Variants in CFAP44 observed in about 807,000 individuals in gnomAD.
CFAP44 encodes cilia and flagella associated protein 44.
A neutral mutation model predicts 216.2 loss-of-function variants in CFAP44; 134 were observed. The observed-to-expected ratio is 0.62, with a 90% CI of 0.54 to 0.72. CFAP44 has a LOEUF of 0.72. CFAP44 is among the 30% of genes least tolerant of loss of function. The probability of loss-of-function intolerance (pLI) is 0.00; values close to 1 mark genes in which losing one functional copy is unlikely to be tolerated. For synonymous variants in CFAP44, 700 were observed against 727.6 expected (o/e 0.96, Z 0.61); for missense variants, 2,035 against 2,182.1 (o/e 0.93, Z 1.34).
intron 8 of CFAP44, among the ~76,000 whole-genome samples, chr3:113,404,553 A>C (rs1199260474): frequency 6.6e-6 from 1 of 152,180 alleles, no homozygotes; most frequent in Non-Finnish European, 1.5e-5. Context: ...CAAGTGTCAC[A>C]AATAAAGTAA....
rs1950069030 is a variant in CFAP44, at chr3:113,314,451, A to T, written c.4517-6183T>A. On this transcript the variant is annotated intron_variant, in intron 28 of 34. Transcript: ENST00000393845. ...AAGTGAAAATGTCTTTCAAAAAGGGAAAAATTAAGACATTATCTGATTTTT... is the reference window on the plus strand; with the variant it reads ...AAGTGAAAATGTCTTTCAAAAAGGGTAAAATTAAGACATTATCTGATTTTT... 2.6e-5 allele frequency among the ~76,000 whole-genome samples: 4 copies of T among 152,322 alleles called. No homozygotes were observed. The South Asian group carries it at 8.3e-4, about 32-fold the overall frequency.
intron 22 of CFAP44, 82 bp from the exon 23 acceptor site, chr3:113,344,794 A>C: frequency 8.4e-7 from 1 of 1,193,596 alleles, no homozygotes; most frequent in Non-Finnish European, 1.1e-6. Flanking sequence ...TAAAACTACA[A>C]TACACTATTC....
At chr3:113,311,516 G>A (rs1950038084) in intron 28 of CFAP44, among the ~76,000 whole-genome samples, 1 of 152,180 alleles carries the variant, frequency 6.6e-6, no homozygotes, top group Admixed American at 6.5e-5. Context: ...CTCCTGCCAT[G>A]TTTCTGAGGC....
chr3:113,334,451 C>T (rs1053320294), intron 24 of CFAP44, among the ~76,000 whole-genome samples: 1 of 152,128 alleles, frequency 6.6e-6, no homozygotes, highest in African/African-American at 2.4e-5. Context: ...ACCAGTGACA[C>T]TGATCCATTT....
rs1213774912 is a variant in CFAP44, at chr3:113,406,976, T to C, written c.956A>G (p.Lys319Arg). 1 of 1,614,052 alleles carries C rather than the reference T, an allele frequency of 6.2e-7. No individual in the cohort carries two copies. Among genetic ancestry groups the C allele is most frequent in the African/African-American group, 1.3e-5 (1 of 74,930 alleles). The change falls in exon 8 of 35, where the codon AAA becomes AGA. Residue 319 changes from lysine (K) to arginine (R), a missense_variant. This residue lies in a region of CFAP44 where 1,883 missense variants were observed against 2,023.7 expected (regional missense o/e 0.93). Transcript: ENST00000393845. ...GCCTTCTATATCAGTAGTGATTGTTTTGCCAAATCGACCTAGTGATCCCTG... is the reference window on the plus strand; with the variant it reads ...GCCTTCTATATCAGTAGTGATTGTTCTGCCAAATCGACCTAGTGATCCCTG... ...KLQGSLGRFG[K>R]TITTDIEGYM...
intron 25 of CFAP44, among the ~76,000 whole-genome samples, chr3:113,332,975 G>C (rs1950253030): frequency 6.6e-6 from 1 of 152,170 alleles, no homozygotes; most frequent in Non-Finnish European, 1.5e-5. Flanking sequence ...CTCAAAGACA[G>C]AAGGAGTCTT....
intron 8 of CFAP44, among the ~76,000 whole-genome samples, chr3:113,405,910 C>A (rs763525002): frequency 3.3e-5 from 5 of 152,170 alleles, no homozygotes; most frequent in Non-Finnish European, 7.3e-5. Context: ...AGGCTTTTTA[C>A]TTCCTCCTAT....
chr3:113,415,524 A>G (rs1398652846), intron 6 of CFAP44, among the ~76,000 whole-genome samples: 1 of 152,098 alleles, frequency 6.6e-6, no homozygotes, highest in Admixed American at 6.5e-5. Context: ...CCCTCTTAAC[A>G]CTGCTTTAGC....
Position 113,385,936 on chromosome 3 carries a change from G to A in CFAP44, c.1891-4876C>T, listed in dbSNP as rs115744413. Among the ~76,000 whole-genome samples the A allele has an allele frequency of 6.0e-3, 908 of 151,940 alleles. 8 individuals are homozygous for A. Among genetic ancestry groups the A allele is most frequent in the African/African-American group, 0.021 (860 of 41,450 alleles). ...TGAGATTATAGGCATGAGGCACTGC[G>A]CCCTGCCTCTGTTTCTTTATTGATT... On this transcript the variant is annotated intron_variant, in intron 15 of 34. Transcript: ENST00000393845.
chr3:113,391,793 A>G (rs57164268), intron 15 of CFAP44, among the ~76,000 whole-genome samples: 4,355 of 152,320 alleles, frequency 0.029, 110 homozygotes, highest in East Asian at 0.1. Context: ...GCAAACAGGT[A>G]TATGAAAAGG....
At chr3:113,435,680 G>T (rs1935220050) in intron 1 of CFAP44, among the ~76,000 whole-genome samples, 1 of 149,738 alleles carries the variant, frequency 6.7e-6, no homozygotes, top group Non-Finnish European at 1.5e-5. Context: ...AGTGAGCTAG[G>T]ATAGCACCAC....
chr3:113,316,149 G>GA (rs1950084698), intron 28 of CFAP44, among the ~76,000 whole-genome samples: 1 of 152,114 alleles, frequency 6.6e-6, no homozygotes, highest in African/African-American at 2.4e-5. Flanking sequence ...AAAGATAACA[G>GA]AAAAATTCCA....
Position 113,409,203 on chromosome 3 carries a change from T to TG in CFAP44, c.792dup (p.Ile265HisfsTer13). On this transcript the variant is annotated frameshift_variant, in exon 7 of 35. Transcript: ENST00000393845. LOFTEE classifies it high-confidence loss of function. ...TGAGAAAAAGCTTTTGTCCTTAGTA[T>TG]GGGTTGTTCTTCTTTCCAGTTCCAG... The TG allele has an allele frequency of 6.2e-7, 1 of 1,614,130 alleles. No individual in the cohort carries two copies. Among genetic ancestry groups the TG allele is most frequent in the Non-Finnish European group, 8.5e-7 (1 of 1,180,022 alleles).
chr3:113,399,432 A>T (rs1934083609), intron 13 of CFAP44, among the ~76,000 whole-genome samples: 2 of 144,526 alleles, frequency 1.4e-5, no homozygotes, highest in African/African-American at 4.9e-5. Flanking sequence ...ATTATCTAAC[A>T]TAACATGTAC....
intron 9 of CFAP44, among the ~76,000 whole-genome samples, chr3:113,402,464 C>T (rs1347908837): frequency 3.9e-5 from 6 of 152,196 alleles, no homozygotes; most frequent in African/African-American, 9.6e-5. Context: ...TCAGCAGGAC[C>T]TCCCCTGTGA....
chr3:113,419,267 C>T lies in CFAP44; in HGVS notation c.570+750G>A, dbSNP rs1576602433. Among the ~76,000 whole-genome samples, 6 of 152,224 alleles carry T rather than the reference C, an allele frequency of 3.9e-5. 1 individual carries two copies. The highest frequency in any genetic ancestry group is 3.9e-4 in the Admixed American group (6 of 15,278). On this transcript the variant is annotated intron_variant, in intron 5 of 34. Transcript: ENST00000393845. Reference sequence around the variant, plus strand: ...ATGGCTATCTGCACACAGTTATTGCCACATTATCATGTACTTGTGTGTCTA... The same window carrying T: ...ATGGCTATCTGCACACAGTTATTGCTACATTATCATGTACTTGTGTGTCTA...
intron 3 of CFAP44, 47 bp from the exon 4 acceptor site, chr3:113,426,324 T>C: frequency 1.3e-6 from 2 of 1,585,448 alleles, no homozygotes; most frequent in Non-Finnish European, 1.7e-6. Flanking sequence ...TTTGGCTGTG[T>C]CCCCACCCAA....
Position 113,416,545 on chromosome 3 carries a change from CT to C in CFAP44, c.652del (p.Arg218AspfsTer37), listed in dbSNP as rs772295550. On this transcript the variant is annotated frameshift_variant, in exon 6 of 35. Coordinates refer to ENST00000393845, the MANE Select transcript of CFAP44 (RefSeq NM_001164496.2). LOFTEE classifies it high-confidence loss of function. ...DIIIYEYPSL[R>X]PYRVLRDGTE... Reference sequence around the variant, plus strand: ...CTCACCTCGAAGGACTCTGTATGGTCTCAGAGAAGGATATTCATAGATGATA... The same window carrying C: ...CTCACCTCGAAGGACTCTGTATGGTCCAGAGAAGGATATTCATAGATGATA... 241 of 1,610,374 alleles carry C rather than the reference CT, an allele frequency of 1.5e-4. 2 individuals are homozygous for C. The highest frequency in any genetic ancestry group is 2.4e-5 in the Non-Finnish European group (28 of 1,177,438).
At chr3:113,383,962 C>A (rs1463441631) in intron 15 of CFAP44, among the ~76,000 whole-genome samples, 1 of 151,680 alleles carries the variant, frequency 6.6e-6, no homozygotes, top group Admixed American at 6.6e-5. Flanking sequence ...CATGTGTTCT[C>A]ATTGTTCAAC....
Sources: gnomAD v4.1 joint callset for allele counts (sites outside exome capture counted in the v4.1 genomes callset) on GRCh38, gnomAD v4.1.1 for gene constraint, gnomAD v4.1.1 regional missense constraint, MANE v1.5 for transcripts, NCBI Gene and HGNC (gene_info 2026-07-23, HGNC 2026-07-21) for gene names.